The following FHIT variants were observed in gnomAD, a reference collection of about 807,000 sequenced individuals.
FHIT encodes bis(5'-adenosyl)-triphosphatase.
Under a neutral mutation model 17.9 loss-of-function variants are expected in FHIT, and 19 were observed. That is an observed-to-expected ratio of 1.06 (90% CI 0.74 to 1.56). The LOEUF is 1.56. Among genes scored for constraint, FHIT ranks in the 40% most tolerant of loss-of-function variants. The probability of loss-of-function intolerance (pLI) is 0.00; values close to 1 mark genes in which losing one functional copy is unlikely to be tolerated. For synonymous variants in FHIT, 81 were observed against 69.7 expected, an observed-to-expected ratio of 1.16 and a Z score of -0.81; for missense variants, 248 against 189.2, an observed-to-expected ratio of 1.31 and a Z score of -1.82.
At chr3:60,276,121 G>A (rs561104419) in intron 5 of FHIT, among the ~76,000 whole-genome samples, 11 of 151,910 alleles carry the variant, frequency 7.2e-5, no homozygotes, top group Middle Eastern at 3.4e-3. Context: ...CTGAGTAGCC[G>A]GGACTATAGA....
At chr3:59,839,536 G>T (rs959510247) in intron 8 of FHIT, among the ~76,000 whole-genome samples, 5 of 152,042 alleles carry the variant, frequency 3.3e-5, no homozygotes, top group African/African-American at 1.2e-4. Flanking sequence ...ACTTGTTGAT[G>T]AAGCAGCTCT....
intron 4 of FHIT, among the ~76,000 whole-genome samples, chr3:60,721,540 A>G (rs2041809891): frequency 1.3e-5 from 2 of 152,198 alleles, no homozygotes; most frequent in Non-Finnish European, 2.9e-5. Flanking sequence ...ATTGTTATAA[A>G]AGGAACAGAA....
intron 4 of FHIT, among the ~76,000 whole-genome samples, chr3:60,688,788 T>C (rs1487342830): frequency 1.3e-5 from 2 of 152,202 alleles, no homozygotes; most frequent in African/African-American, 4.8e-5. Flanking sequence ...TTTATTTTTA[T>C]TGCCGTAAAT....
chr3:59,828,847 C>CTCTG (rs1701066937), intron 8 of FHIT, among the ~76,000 whole-genome samples: 1 of 150,878 alleles, frequency 6.6e-6, no homozygotes, highest in African/African-American at 2.5e-5. Flanking sequence ...GGTACTCTCT[C>CTCTG]TGTGTGTGTG....
At chr3:61,059,677 A>G (rs2034356601) in intron 2 of FHIT, among the ~76,000 whole-genome samples, 1 of 152,198 alleles carries the variant, frequency 6.6e-6, no homozygotes, top group African/African-American at 2.4e-5. Context: ...TGAGGCAAGG[A>G]GACACTAGTC....
At chr3:61,084,326 T>C (rs1202661851) in intron 2 of FHIT, among the ~76,000 whole-genome samples, 2 of 152,228 alleles carry the variant, frequency 1.3e-5, no homozygotes, top group Non-Finnish European at 1.5e-5. Flanking sequence ...TGTAGATTTA[T>C]AATGAATTTA....
intron 8 of FHIT, among the ~76,000 whole-genome samples, chr3:59,869,474 A>T (rs1314126856): frequency 2.6e-5 from 3 of 114,724 alleles, no homozygotes; most frequent in African/African-American, 1.1e-4. Flanking sequence ...ATCTTTCCTT[A>T]AAGAACATCC....
At chr3:60,004,560 G>C (rs1460717809) in intron 7 of FHIT, among the ~76,000 whole-genome samples, 1 of 152,122 alleles carries the variant, frequency 6.6e-6, no homozygotes, top group Admixed American at 6.6e-5. Flanking sequence ...AAATAATACA[G>C]ATTAATATGT....
At chr3:60,021,947 A>G (rs1372207073) in intron 5 of FHIT, among the ~76,000 whole-genome samples, 1 of 152,236 alleles carries the variant, frequency 6.6e-6, no homozygotes, top group Non-Finnish European at 1.5e-5. Flanking sequence ...ATGAAGTAAA[A>G]TAGCTCTCTT....
intron 8 of FHIT, among the ~76,000 whole-genome samples, chr3:59,790,040 T>G (rs945799499): frequency 6.6e-6 from 1 of 152,204 alleles, no homozygotes; most frequent in African/African-American, 2.4e-5. Context: ...TGTTATCCAC[T>G]GCTATTTTCA....
intron 8 of FHIT, among the ~76,000 whole-genome samples, chr3:59,867,698 T>G (rs1202690185): frequency 2.0e-5 from 3 of 152,086 alleles, no homozygotes; most frequent in Non-Finnish European, 4.4e-5. Flanking sequence ...AACTATTTTG[T>G]GATTCAAAAC....
Position 60,311,822 on chromosome 3 carries a change from C to T in FHIT, c.103+225038G>A, listed in dbSNP as rs554940359. Among the ~76,000 whole-genome samples, 14 of 152,120 alleles carry T rather than the reference C, an allele frequency of 9.2e-5. No homozygotes were observed. The South Asian group carries it at 2.9e-3, about 32-fold the overall frequency. On this transcript the variant is annotated intron_variant, in intron 5 of 9. Transcript: ENST00000492590. ...TTTTCTTAAACATGGTCGGGGTGGACTTTCACATTTCATAGAGCATCTCAG... is the reference window on the plus strand; with the variant it reads ...TTTTCTTAAACATGGTCGGGGTGGATTTTCACATTTCATAGAGCATCTCAG...
chr3:59,938,767 T>C (rs79014100), intron 7 of FHIT, among the ~76,000 whole-genome samples: 20,792 of 152,118 alleles, frequency 0.14, 1,785 homozygotes, highest in Middle Eastern at 0.24. Context: ...AGTTTGAAAA[T>C]ATACATTGTA....
At position 60,102,078 on chromosome 3, in the gene FHIT, A is replaced by C. The variant is rs557959111; in HGVS notation, c.104-87926T>G. 5.9e-5 allele frequency among the ~76,000 whole-genome samples: 9 copies of C among 152,344 alleles called. No homozygotes were observed. In the East Asian group the frequency reaches 1.7e-3, roughly 29 times the overall value. ...CAGAAAAGCTGCCTTTTGGTGGGTG[A>C]GTCCCAGAAGTACAGAAATCATGGC... On this transcript the variant is annotated intron_variant, in intron 5 of 9. Coordinates refer to ENST00000492590, the MANE Select transcript of FHIT (RefSeq NM_002012.4).
chr3:60,410,117 A>G (rs145783209), intron 5 of FHIT, among the ~76,000 whole-genome samples: 1 of 152,226 alleles, frequency 6.6e-6, no homozygotes, highest in Non-Finnish European at 1.5e-5. Flanking sequence ...AGCATAGGTA[A>G]AAGTTACAAA....
intron 7 of FHIT, among the ~76,000 whole-genome samples, chr3:59,958,430 G>T (rs1707509161): frequency 6.6e-6 from 1 of 152,150 alleles, no homozygotes; most frequent in African/African-American, 2.4e-5. Flanking sequence ...ACGGCAGAAA[G>T]GTAGGCAATT....
chr3:60,758,663 A>T lies in FHIT; in HGVS notation c.-18+63256T>A, dbSNP rs540143489. Among the ~76,000 whole-genome samples the T allele has an allele frequency of 1.2e-4, 19 of 152,276 alleles. No homozygotes were observed. The South Asian group carries it at 3.5e-3, about 28-fold the overall frequency. ...TTAGAGCTGTCGCTTAAAAATTTAG[A>T]TGTACATTTCTCATTCCATGTTTCA... On this transcript the variant is annotated intron_variant, in intron 4 of 9. Transcript: ENST00000492590.
intron 4 of FHIT, among the ~76,000 whole-genome samples, chr3:60,699,195 C>T (rs1300078644): frequency 2.0e-5 from 3 of 152,118 alleles, no homozygotes; most frequent in African/African-American, 4.8e-5. Context: ...TTTTCCACTA[C>T]TGTAAACAAA....
intron 5 of FHIT, among the ~76,000 whole-genome samples, chr3:60,144,902 T>C (rs1700176368): frequency 6.6e-6 from 1 of 152,190 alleles, no homozygotes; most frequent in Non-Finnish European, 1.5e-5. Flanking sequence ...TAACTTCAAC[T>C]GGTCTGTGAA....
Sources: gnomAD v4.1 joint callset for allele counts (sites outside exome capture counted in the v4.1 genomes callset) on GRCh38, gnomAD v4.1.1 for gene constraint, MANE v1.5 for transcripts, NCBI Gene and HGNC (gene_info 2026-07-23, HGNC 2026-07-21) for gene names.